Variants in GRB2 observed in about 807,000 individuals in gnomAD.
GRB2 encodes growth factor receptor bound protein 2.
GRB2 carries 2 observed loss-of-function variants against 27.4 expected under a neutral mutation model. The observed-to-expected ratio is 0.07, with a 90% CI of 0.03 to 0.23. The LOEUF is 0.23. Ranked by LOEUF, GRB2 falls within the 10% of genes least tolerant of loss-of-function variation. The probability of loss-of-function intolerance (pLI) is 1.00; values close to 1 mark genes in which losing one functional copy is unlikely to be tolerated. For missense variants in GRB2, 102 were observed against 282.4 expected, an observed-to-expected ratio of 0.36 and a Z score of 4.58; for synonymous variants, 94 against 99.6, an observed-to-expected ratio of 0.94 and a Z score of 0.33.
At chr17:75,405,364 T>G (rs2079092994) in intron 1 of GRB2, 125 bp downstream of exon 1, 5 of 152,182 alleles carry the variant, frequency 3.3e-5, no homozygotes, top group African/African-American at 1.2e-4. Flanking sequence ...GCGCTCCACG[T>G]CCCAAGCCTC....
At chr17:75,339,098 T>C (rs1366441187) in intron 2 of GRB2, 3 of 1,382,146 alleles carry the variant, frequency 2.2e-6, no homozygotes, top group Admixed American at 3.3e-5. Flanking sequence ...TGCAAGCATT[T>C]TGAACTGGGA....
At chr17:75,343,853 G>A (rs2145835050) in intron 2 of GRB2, among the ~76,000 whole-genome samples, 1 of 152,268 alleles carries the variant, frequency 6.6e-6, no homozygotes, top group South Asian at 2.1e-4. Context: ...AAGGGAGGGG[G>A]CAGGAAGAGA....
chr17:75,342,236 C>T (rs941595128), intron 2 of GRB2, among the ~76,000 whole-genome samples: 1 of 152,126 alleles, frequency 6.6e-6, no homozygotes, highest in South Asian at 2.1e-4. Context: ...GTCTTGGCCC[C>T]CTCCCAAACT....
intron 2 of GRB2, among the ~76,000 whole-genome samples, chr17:75,366,880 C>A (rs531666337): frequency 3.3e-4 from 50 of 152,050 alleles, no homozygotes; most frequent in Middle Eastern, 3.4e-3. Context: ...AAAAATACTT[C>A]TTAAATCTCT....
At chr17:75,325,155 T>G (rs1040806273) in intron 4 of GRB2, among the ~76,000 whole-genome samples, 6 of 152,216 alleles carry the variant, frequency 3.9e-5, no homozygotes, top group African/African-American at 1.2e-4. Flanking sequence ...TAATCTAAAC[T>G]AAGTAGTGAT....
intron 2 of GRB2, among the ~76,000 whole-genome samples, chr17:75,352,957 G>A (rs889909557): frequency 6.6e-6 from 1 of 150,738 alleles, no homozygotes; most frequent in Non-Finnish European, 1.5e-5. Context: ...AGGCCGAGGT[G>A]GGTGGATCAG....
In GRB2 at chr17:75,321,617, T is replaced by C. The variant is rs2078460595; in HGVS notation, c.468+42A>G. On this transcript the variant is annotated intron_variant, in intron 5 of 5. Coordinates refer to ENST00000316804, the MANE Select transcript of GRB2 (RefSeq NM_002086.5). ...ACAGGAATGCACACTGAGGAGCTAT[T>C]CTTAACTAAAAATGATCCCATCTCA... 4 of 1,592,750 alleles carry C rather than the reference T, an allele frequency of 2.5e-6. No homozygotes were observed. The African/African-American group carries it at 5.4e-5, about 21-fold the overall frequency.
chr17:75,342,958 A>T (rs2078630724), intron 2 of GRB2, among the ~76,000 whole-genome samples: 1 of 141,988 alleles, frequency 7.0e-6, no homozygotes, highest in Non-Finnish European at 1.5e-5. Context: ...CTGAGGTGGG[A>T]GGATTGCTTG....
At chr17:75,347,063 C>T (rs902638690) in intron 2 of GRB2, among the ~76,000 whole-genome samples, 4 of 152,142 alleles carry the variant, frequency 2.6e-5, no homozygotes, top group African/African-American at 7.2e-5. Flanking sequence ...TCCTTTCCTT[C>T]TCCAGGTTTG....
At chr17:75,330,707 C>CA (rs61093959) in intron 3 of GRB2, among the ~76,000 whole-genome samples, 2,796 of 135,424 alleles carry the variant, frequency 0.021, 77 homozygotes, top group African/African-American at 0.06. Context: ...AAACAAAAAA[C>CA]AAAAAAAAAA....
At chr17:75,401,305 C>T (rs955147922) in intron 1 of GRB2, among the ~76,000 whole-genome samples, 1 of 151,228 alleles carries the variant, frequency 6.6e-6, no homozygotes, top group African/African-American at 2.4e-5. Flanking sequence ...ATTAGCCGGG[C>T]GCGGTGGCGG....
chr17:75,388,148 G>C (rs1426199123), intron 2 of GRB2, among the ~76,000 whole-genome samples: 1 of 151,990 alleles, frequency 6.6e-6, no homozygotes, highest in Non-Finnish European at 1.5e-5. Context: ...CCAGGCTGGA[G>C]TGGAATGGCA....
chr17:75,334,209 C>T (rs1481935346), intron 2 of GRB2, among the ~76,000 whole-genome samples: 11 of 151,926 alleles, frequency 7.2e-5, no homozygotes, highest in African/African-American at 2.4e-4. Context: ...CTCGCTCTGT[C>T]GCCCAGGCTG....
At chr17:75,379,212 C>T (rs2145861442) in intron 2 of GRB2, among the ~76,000 whole-genome samples, 1 of 152,136 alleles carries the variant, frequency 6.6e-6, no homozygotes, top group African/African-American at 2.4e-5. Flanking sequence ...TAGTGATTTT[C>T]TTTGGGAAGG....
chr17:75,386,419 T>G (rs1362048577), intron 2 of GRB2, among the ~76,000 whole-genome samples: 3 of 152,180 alleles, frequency 2.0e-5, no homozygotes, highest in African/African-American at 7.2e-5. Context: ...CGCTTGGCCT[T>G]AGAACAAATT....
chr17:75,354,255 C>CTT (rs201547642), intron 2 of GRB2, among the ~76,000 whole-genome samples: 1 of 44,496 alleles, frequency 2.2e-5, no homozygotes, highest in African/African-American at 8.1e-5. Context: ...TATTCATGGT[C>CTT]TTTTTTTTTG....
chr17:75,383,260 G>C (rs1174599853), intron 2 of GRB2, among the ~76,000 whole-genome samples: 3 of 152,128 alleles, frequency 2.0e-5, no homozygotes, highest in African/African-American at 7.2e-5. Context: ...GCCCCCAGTA[G>C]GACACAGCAT....
At chr17:75,353,484 C>T (rs1031188699) in intron 2 of GRB2, among the ~76,000 whole-genome samples, 8 of 152,150 alleles carry the variant, frequency 5.3e-5, no homozygotes, top group African/African-American at 9.6e-5. Context: ...CCATTTTTAC[C>T]GGGCGCGGTG....
chr17:75,326,211 C>T, intron 3 of GRB2, 191 bp from the exon 4 acceptor site: 1 of 606,182 alleles, frequency 1.6e-6, no homozygotes, highest in Non-Finnish European at 2.9e-6. Context: ...GGTCTTTAGC[C>T]TACTCCATTT....
Sources: allele counts gnomAD v4.1 joint callset (sites outside exome capture counted in the v4.1 genomes callset), GRCh38; gene constraint gnomAD v4.1.1; transcripts MANE v1.5; gene names NCBI Gene and HGNC (gene_info 2026-07-23, HGNC 2026-07-21).